The following SPIDR variants were observed in gnomAD, a reference collection of about 807,000 sequenced individuals.
The protein encoded by SPIDR is DNA repair-scaffolding protein.
Under a neutral mutation model 104.6 loss-of-function variants are expected in SPIDR, and 93 were observed. That is an observed-to-expected ratio of 0.89 (90% CI 0.75 to 1.06). The LOEUF (loss-of-function observed/expected upper bound fraction) is 1.06. Ranked by LOEUF, SPIDR falls within the 50% of genes least tolerant of loss-of-function variation. The pLI is 0.00. For missense variants in SPIDR, 1,154 were observed against 1,111.2 expected (o/e 1.04, Z -0.55); for synonymous variants, 431 against 416.9 (o/e 1.03, Z -0.41).
chr8:47,444,064 G>T (rs2070046906), intron 8 of SPIDR, among the ~76,000 whole-genome samples: 1 of 152,142 alleles, frequency 6.6e-6, no homozygotes, highest in South Asian at 2.1e-4. Context: ...TTTCAGACAT[G>T]TAAAAATAAA....
chr8:47,363,122 G>A (rs73565212), intron 5 of SPIDR, among the ~76,000 whole-genome samples: 2,445 of 151,342 alleles, frequency 0.016, 62 homozygotes, highest in African/African-American at 0.057. Context: ...GAGTCCCCTA[G>A]ACGAGTTCAT....
chr8:47,449,663 A>G (rs1382560400), intron 8 of SPIDR, among the ~76,000 whole-genome samples: 1 of 152,210 alleles, frequency 6.6e-6, no homozygotes, highest in Non-Finnish European at 1.5e-5. Flanking sequence ...GGAAATAACT[A>G]GGAAAGAAAA....
At chr8:47,679,848 C>T (rs140419656) in intron 11 of SPIDR, among the ~76,000 whole-genome samples, 22 of 152,336 alleles carry the variant, frequency 1.4e-4, no homozygotes, top group African/African-American at 5.3e-4. Context: ...TCTCATTTAC[C>T]GTTATATTTT....
chr8:47,581,928 A>C (rs761043002), intron 8 of SPIDR, among the ~76,000 whole-genome samples: 2 of 151,978 alleles, frequency 1.3e-5, no homozygotes, highest in Non-Finnish European at 2.9e-5. Flanking sequence ...TTTGGAATAA[A>C]TACTGTGACT....
intron 11 of SPIDR, among the ~76,000 whole-genome samples, chr8:47,689,801 A>C (rs1469372838): frequency 6.6e-6 from 1 of 152,206 alleles, no homozygotes; most frequent in African/African-American, 2.4e-5. Flanking sequence ...CCCCTCCCCA[A>C]GGCCAGCCGT....
At chr8:47,483,163 TTTTG>T (rs1262686598) in intron 8 of SPIDR, among the ~76,000 whole-genome samples, 60 of 148,656 alleles carry the variant, frequency 4.0e-4, no homozygotes, top group African/African-American at 8.0e-4. Flanking sequence ...TTTTGTTTTG[TTTTG>T]TTTGTGTGTG....
intron 7 of SPIDR, among the ~76,000 whole-genome samples, chr8:47,420,381 G>T (rs1213023565): frequency 1.3e-5 from 2 of 152,026 alleles, no homozygotes; most frequent in Middle Eastern, 3.2e-3. Context: ...GGCCTTCTTT[G>T]TCTCTTTTGA....
chr8:47,399,979 G>A (rs917946456), intron 6 of SPIDR, among the ~76,000 whole-genome samples: 2 of 152,160 alleles, frequency 1.3e-5, no homozygotes, highest in African/African-American at 4.8e-5. Flanking sequence ...TGAGGCGAGT[G>A]GAGGACACCA....
rs936241118 is a variant in SPIDR at position 47,720,758 on chromosome 8, CT to C, written c.2342-6432del. Among the ~76,000 whole-genome samples the C allele has an allele frequency of 5.1e-3, 760 of 149,606 alleles. 7 individuals are homozygous for C. The highest frequency in any genetic ancestry group is 0.018 in the African/African-American group (717 of 40,842). On this transcript the variant is annotated intron_variant, in intron 16 of 19. Transcript: ENST00000297423. The stretch of plus-strand genomic sequence containing the variant: ...CCAGTTCATGGCTTGTCTTTTCATA[CT>C]TTTTTTTTTCTTTTTTGAGATGGAG...
intron 8 of SPIDR, among the ~76,000 whole-genome samples, chr8:47,576,597 C>G (rs1229074371): frequency 6.6e-6 from 1 of 151,894 alleles, no homozygotes; most frequent in Non-Finnish European, 1.5e-5. Context: ...GGACACCTGG[C>G]TAATTTGTAT....
chr8:47,468,669 G>A (rs2075259752), intron 8 of SPIDR, among the ~76,000 whole-genome samples: 1 of 152,080 alleles, frequency 6.6e-6, no homozygotes, highest in Non-Finnish European at 1.5e-5. Context: ...TTGAGCCTTG[G>A]ACCCTTTGCT....
At chr8:47,625,997 G>A (rs1434767752) in intron 10 of SPIDR, among the ~76,000 whole-genome samples, 3 of 151,270 alleles carry the variant, frequency 2.0e-5, no homozygotes, top group African/African-American at 4.9e-5. Context: ...ATACTACAAG[G>A]CTACAGTAAC....
At chr8:47,589,028 T>G (rs981180190) in intron 8 of SPIDR, among the ~76,000 whole-genome samples, 4 of 148,358 alleles carry the variant, frequency 2.7e-5, no homozygotes, top group South Asian at 2.2e-4. Context: ...GTTTGTTTTT[T>G]TTTTTTTTTT....
At chr8:47,447,548 G>T (rs2070895352) in intron 8 of SPIDR, among the ~76,000 whole-genome samples, 1 of 152,154 alleles carries the variant, frequency 6.6e-6, no homozygotes, top group African/African-American at 2.4e-5. Context: ...TATAATCCTG[G>T]TGAAGATGCT....
chr8:47,288,079 C>G (rs980398603), intron 3 of SPIDR, among the ~76,000 whole-genome samples: 1 of 152,054 alleles, frequency 6.6e-6, no homozygotes, highest in South Asian at 2.1e-4. Context: ...CCAGCTCGTC[C>G]CTCTGTTCGG....
intron 9 of SPIDR, among the ~76,000 whole-genome samples, chr8:47,597,652 A>G (rs1344585281): frequency 2.0e-5 from 3 of 152,272 alleles, no homozygotes; most frequent in Non-Finnish European, 4.4e-5. Context: ...TTATTTAAAA[A>G]ATCATATTTT....
chr8:47,356,850 C>G (rs1325881038), intron 5 of SPIDR, among the ~76,000 whole-genome samples: 1 of 152,122 alleles, frequency 6.6e-6, no homozygotes, highest in Non-Finnish European at 1.5e-5. Context: ...GTAAATGAAG[C>G]TGCTGTTCTG....
At chr8:47,531,518 C>T (rs549738538) in intron 8 of SPIDR, among the ~76,000 whole-genome samples, 35 of 152,180 alleles carry the variant, frequency 2.3e-4, no homozygotes, top group Non-Finnish European at 4.6e-4. Flanking sequence ...CGTGAACATT[C>T]CTCAACATTA....
rs997963158 is a variant in SPIDR at position 47,723,666 on chromosome 8, C to T, written c.2342-3534C>T. ...GGATGGTCTCGATCTCCTGACCTCACGATCCTCCCACCTTGGCCTCCCAAA... is the reference window on the plus strand; with the variant it reads ...GGATGGTCTCGATCTCCTGACCTCATGATCCTCCCACCTTGGCCTCCCAAA... On this transcript the variant is annotated intron_variant, in intron 16 of 19. Coordinates refer to ENST00000297423, the MANE Select transcript of SPIDR (RefSeq NM_001080394.4). Among the ~76,000 whole-genome samples, 7 of 152,172 alleles carry T rather than the reference C, an allele frequency of 4.6e-5. No individual in the cohort carries two copies. The South Asian group carries it at 6.2e-4, about 14-fold the overall frequency.
Sources: allele counts gnomAD v4.1 joint callset (sites outside exome capture counted in the v4.1 genomes callset), GRCh38; gene constraint gnomAD v4.1.1; transcripts MANE v1.5; gene names NCBI Gene and HGNC (gene_info 2026-07-23, HGNC 2026-07-21).